SNTG2: variants seen among roughly 807,000 people sequenced by gnomAD.
SNTG2 encodes syntrophin gamma 2.
SNTG2 carries 74 observed loss-of-function variants against 70.9 expected under a neutral mutation model. The observed-to-expected ratio is 1.04, with a 90% confidence interval of 0.86 to 1.27. The LOEUF (loss-of-function observed/expected upper bound fraction) is 1.27, where lower values mean the gene tolerates loss of function less well. Among genes scored for constraint, SNTG2 ranks in the 50% most tolerant of loss-of-function variants. The pLI is 0.00. For synonymous variants in SNTG2, 278 were observed against 273.8 expected (o/e 1.02, Z -0.15); for missense variants, 717 against 690.7 (o/e 1.04, Z -0.43).
chr2:1,148,190 T>C (rs1669222945), intron 6 of SNTG2, among the ~76,000 whole-genome samples: 1 of 152,226 alleles, frequency 6.6e-6, no homozygotes, highest in Admixed American at 6.5e-5. Flanking sequence ...ATTGTGAGGC[T>C]CTGTCATTCC....
intron 14 of SNTG2, among the ~76,000 whole-genome samples, chr2:1,284,496 G>A (rs760418168): frequency 2.6e-5 from 4 of 152,078 alleles, no homozygotes; most frequent in Non-Finnish European, 4.4e-5. Flanking sequence ...TCACAGTCAA[G>A]CACCCCTCGA....
intron 1 of SNTG2, among the ~76,000 whole-genome samples, chr2:1,004,583 G>A (rs1233554641): frequency 6.6e-6 from 1 of 152,126 alleles, no homozygotes; most frequent in African/African-American, 2.4e-5. Context: ...CACATGTCAG[G>A]GAATTGCAAA....
intron 1 of SNTG2, among the ~76,000 whole-genome samples, chr2:959,409 TA>T (rs1377497682): frequency 2.7e-4 from 41 of 152,216 alleles, no homozygotes; most frequent in Admixed American, 2.7e-3. Flanking sequence ...TGTCGTGACC[TA>T]CAGATTCTTT....
intron 1 of SNTG2, among the ~76,000 whole-genome samples, chr2:1,058,943 A>G (rs1001604116): frequency 6.6e-6 from 1 of 152,146 alleles, no homozygotes; most frequent in Admixed American, 6.5e-5. Flanking sequence ...TCTCCCCAGG[A>G]GGGAGAGCAG....
intron 14 of SNTG2, among the ~76,000 whole-genome samples, chr2:1,273,576 G>A (rs1679146405): frequency 6.6e-6 from 1 of 151,460 alleles, no homozygotes; most frequent in Non-Finnish European, 1.5e-5. Flanking sequence ...AAATTATGCT[G>A]GGATAATTGG....
At chr2:1,218,069 C>G (rs1056979820) in intron 9 of SNTG2, among the ~76,000 whole-genome samples, 1 of 152,018 alleles carries the variant, frequency 6.6e-6, no homozygotes, top group Non-Finnish European at 1.5e-5. Flanking sequence ...CCTTTGTCAG[C>G]CAAGGGCTGC....
At chr2:1,358,325 G>C (rs570867095) in intron 16 of SNTG2, among the ~76,000 whole-genome samples, 1 of 151,876 alleles carries the variant, frequency 6.6e-6, no homozygotes, top group South Asian at 2.1e-4. Context: ...TAGTTTTATT[G>C]AGTTTTGCTA....
At chr2:1,030,201 CTG>C (rs1317264761) in intron 1 of SNTG2, among the ~76,000 whole-genome samples, 1 of 152,188 alleles carries the variant, frequency 6.6e-6, no homozygotes, top group Non-Finnish European at 1.5e-5. Flanking sequence ...GTGTCACTGG[CTG>C]TATTTGATGC....
intron 1 of SNTG2, among the ~76,000 whole-genome samples, chr2:953,078 A>G (rs1290919395): frequency 6.6e-6 from 1 of 152,186 alleles, no homozygotes; most frequent in South Asian, 2.1e-4. Flanking sequence ...ATTCTTTATC[A>G]TGACTGCTTG....
intron 1 of SNTG2, among the ~76,000 whole-genome samples, chr2:1,048,510 T>C (rs1661873115): frequency 6.6e-6 from 1 of 152,214 alleles, no homozygotes; most frequent in African/African-American, 2.4e-5. Context: ...ATCCACACTT[T>C]GCTTGTAGTT....
Position 1,308,544 on chromosome 2 carries a change from G to A in SNTG2, c.1335G>A (p.Val445=). 6.4e-7 allele frequency: 1 copy of A among 1,551,692 alleles called. No individual in the cohort carries two copies. The highest frequency in any genetic ancestry group is 8.7e-7 in the Non-Finnish European group (1 of 1,146,986). The stretch of plus-strand genomic sequence containing the variant: ...AAGGAGAGATGCTGTGTTTCACGGT[G>A]GATTTCGCGTTGGGATTTACCTGTT... The part of the protein sequence containing the change: ...SWQGEMLCFT[V]DFALGFTCFE... Residue 445 remains valine, a synonymous_variant, in exon 15 of 17, where the codon GTG becomes GTA. Transcript: ENST00000308624.
At chr2:968,226 C>T (rs541117663) in intron 1 of SNTG2, among the ~76,000 whole-genome samples, 1 of 152,044 alleles carries the variant, frequency 6.6e-6, no homozygotes, top group African/African-American at 2.4e-5. Flanking sequence ...TAGTGTCTGT[C>T]TTTCAGGAAC....
chr2:1,310,845 A>G (rs1352193442), intron 15 of SNTG2, among the ~76,000 whole-genome samples: 2 of 152,154 alleles, frequency 1.3e-5, no homozygotes, highest in African/African-American at 2.4e-5. Context: ...TAAAATAGCT[A>G]TAATTTGTTT....
At chr2:1,264,638 G>A (rs773703982) in intron 13 of SNTG2, among the ~76,000 whole-genome samples, 1 of 152,208 alleles carries the variant, frequency 6.6e-6, no homozygotes, top group Non-Finnish European at 1.5e-5. Flanking sequence ...AACTTATGGT[G>A]TCAATAAATA....
chr2:1,224,129 G>C (rs1675587243), intron 9 of SNTG2, among the ~76,000 whole-genome samples: 1 of 152,116 alleles, frequency 6.6e-6, no homozygotes, highest in Admixed American at 6.5e-5. Flanking sequence ...ACCCCGTCAG[G>C]CTGCACCCTC....
chr2:1,308,312 C>T (rs1680804428), intron 14 of SNTG2, among the ~76,000 whole-genome samples, 182 bp from the exon 15 acceptor site: 1 of 152,184 alleles, frequency 6.6e-6, no homozygotes, highest in Non-Finnish European at 1.5e-5. Context: ...AAGAAAGAAC[C>T]TGTATGCAGT....
At chr2:966,827 A>T (rs1278989670) in intron 1 of SNTG2, among the ~76,000 whole-genome samples, 1 of 151,998 alleles carries the variant, frequency 6.6e-6, no homozygotes, top group African/African-American at 2.4e-5. Flanking sequence ...GGCGCCTGTA[A>T]TCTCAGCTAC....
intron 1 of SNTG2, among the ~76,000 whole-genome samples, chr2:997,243 T>C (rs1661716116): frequency 6.6e-6 from 1 of 152,158 alleles, no homozygotes; most frequent in African/African-American, 2.4e-5. Flanking sequence ...TTAAGCTGGG[T>C]GCCCTCTCTA....
chr2:1,045,339 T>G (rs571183916), intron 1 of SNTG2, among the ~76,000 whole-genome samples: 2 of 152,014 alleles, frequency 1.3e-5, no homozygotes, highest in South Asian at 4.2e-4. Flanking sequence ...AAAAAAAACT[T>G]TTGGTTTCGT....
Sources: gnomAD v4.1 joint callset for allele counts (sites outside exome capture counted in the v4.1 genomes callset) on GRCh38, gnomAD v4.1.1 for gene constraint, MANE v1.5 for transcripts, NCBI Gene and HGNC (gene_info 2026-07-23, HGNC 2026-07-21) for gene names.